The following TMEM91 variants were observed in gnomAD, a reference collection of about 807,000 sequenced individuals.
TMEM91 encodes dispanin subfamily C member 3.
TMEM91 carries 6 observed loss-of-function variants against 13.3 expected under a neutral mutation model. The ratio of observed to expected loss-of-function variants is 0.45; its 90% CI spans 0.25 to 0.89. The LOEUF (loss-of-function observed/expected upper bound fraction) is 0.89. Among genes scored for constraint, TMEM91 ranks in the 40% least tolerant of loss-of-function variants. The pLI is 0.19. For missense variants in TMEM91, 193 were observed against 228.7 expected (o/e 0.84, Z 1.01); for synonymous variants, 87 against 101.7 (o/e 0.86, Z 0.87).
At chr19:41,383,015 G>A in intron 3 of TMEM91, 94 bp downstream of exon 3, 2 of 1,520,410 alleles carry the variant, frequency 1.3e-6, no homozygotes, top group Non-Finnish European at 1.8e-6. Flanking sequence ...CGGGAAGGTG[G>A]AAGGTAGCCC....
chr19:41,383,888 C>G lies in TMEM91; in HGVS notation c.*15C>G. The G allele has an allele frequency of 1.2e-6, 2 of 1,600,820 alleles. No individual in the cohort carries two copies. Among genetic ancestry groups the G allele is most frequent in the Non-Finnish European group, 1.7e-6 (2 of 1,174,634 alleles). Reference sequence around the variant, plus strand: ...ACCCGCCCTAGTTGCCCCTACAGCCCTCACTGTGAACCCTGAGGCCGGCAG... The same window carrying G: ...ACCCGCCCTAGTTGCCCCTACAGCCGTCACTGTGAACCCTGAGGCCGGCAG... On this transcript the variant is annotated 3_prime_UTR_variant, in exon 4 of 4. Coordinates refer to ENST00000392002, the MANE Select transcript of TMEM91 (RefSeq NM_001098821.2).
At chr19:41,369,936 A>C (rs1399988515) in intron 1 of TMEM91, among the ~76,000 whole-genome samples, 1 of 152,188 alleles carries the variant, frequency 6.6e-6, no homozygotes, top group Admixed American at 6.5e-5. Context: ...ACCAATCTCC[A>C]CAACCATTTT....
At chr19:41,371,433 C>CTT (rs1260752147) in intron 1 of TMEM91, among the ~76,000 whole-genome samples, 3 of 141,394 alleles carry the variant, frequency 2.1e-5, no homozygotes, top group Non-Finnish European at 4.6e-5. Flanking sequence ...CTTTCTCTCT[C>CTT]TCTTTCTTTC....
upstream of TMEM91, among the ~76,000 whole-genome samples, chr19:41,375,088 A>G (rs1345506904): frequency 6.6e-6 from 1 of 151,838 alleles, no homozygotes; most frequent in Non-Finnish European, 1.5e-5. Context: ...ATCACCCCCT[A>G]CTGGACCCCA....
At chr19:41,379,945 A>T (rs1599931009) in intron 2 of TMEM91, among the ~76,000 whole-genome samples, 2 of 122,968 alleles carry the variant, frequency 1.6e-5, no homozygotes, top group East Asian at 4.9e-4. Flanking sequence ...CCCAGGCTGG[A>T]GTACAATGGT....
chr19:41,378,283 A>C lies in TMEM91; in HGVS notation c.-27A>C. On this transcript the variant is annotated splice_region_variant and 5_prime_UTR_variant, in exon 2 of 4. Coordinates refer to ENST00000392002, the MANE Select transcript of TMEM91 (RefSeq NM_001098821.2). ...CTTTTTCTTCCCCCTACCCCTAGGA[A>C]ACCCCTCCTGGAGTTTCCCCAAAGC... 4 of 1,599,550 alleles carry C rather than the reference A, an allele frequency of 2.5e-6. No homozygotes were observed. Among genetic ancestry groups the C allele is most frequent in the Non-Finnish European group, 3.4e-6 (4 of 1,169,680 alleles).
Position 41,383,819 on chromosome 19 carries a change from T to C in TMEM91, c.465T>C (p.Tyr155=), listed in dbSNP as rs765595742. The C allele has an allele frequency of 3.1e-6, 5 of 1,610,676 alleles. No individual in the cohort carries two copies. In the African/African-American group the frequency reaches 4.0e-5, roughly 13 times the overall value. The stretch of plus-strand genomic sequence containing the variant: ...CCGTCGGGCTGGGCGTGTGCACGTA[T>C]GCGGCTGCCCTGGTGACCCTGGCTG... ...VLAVGLGVCT[Y]AAALVTLAAY... The change falls in exon 4 of 4, where the codon TAT becomes TAC. Residue 155 remains tyrosine, a synonymous_variant. Transcript: ENST00000392002.
At chr19:41,366,866 G>A (rs1053662630) in intron 1 of TMEM91, among the ~76,000 whole-genome samples, 4 of 152,096 alleles carry the variant, frequency 2.6e-5, no homozygotes, top group African/African-American at 7.2e-5. Context: ...GGCCGGATTC[G>A]GTGGTTCATG....
intron 3 of TMEM91, 143 bp downstream of exon 3, chr19:41,383,064 G>T: frequency 7.9e-7 from 1 of 1,268,950 alleles, no homozygotes; most frequent in African/African-American, 1.5e-5. Flanking sequence ...GCCACTCTCT[G>T]CAAGATTTTT....
At chr19:41,378,671 T>TA (rs1423088381) in intron 2 of TMEM91, 152 bp downstream of exon 2, 73 of 793,826 alleles carry the variant, frequency 9.2e-5, no homozygotes, top group Non-Finnish European at 1.4e-4. Flanking sequence ...GATTTCCAGT[T>TA]ACGGTTCTTC....
chr19:41,383,774 C>G lies in TMEM91; in HGVS notation c.420C>G (p.Ala140=). 1 of 1,610,076 alleles carries G rather than the reference C, an allele frequency of 6.2e-7. No individual in the cohort carries two copies. The highest frequency in any genetic ancestry group is 8.5e-7 in the Non-Finnish European group (1 of 1,177,706). The part of the protein sequence containing the change: ...IQGAGAASRR[A]FLLGVLAVGL... The stretch of plus-strand genomic sequence containing the variant: ...GGGCAGGGGCCGCCTCCCGCCGTGC[C>G]TTCCTGCTGGGGGTCCTCGCCGTCG... The change falls in exon 4 of 4, where the codon GCC becomes GCG. Residue 140 remains alanine (A), a synonymous_variant. Transcript: ENST00000392002.
intron 1 of TMEM91, among the ~76,000 whole-genome samples, chr19:41,364,786 C>T (rs2038486544): frequency 1.3e-5 from 2 of 152,050 alleles, no homozygotes; most frequent in Non-Finnish European, 2.9e-5. Context: ...ATCCTCTTTC[C>T]TATTGATTGA....
At position 41,370,266 on chromosome 19, in the gene TMEM91, G is replaced by A. The variant is rs961566652; in HGVS notation, c.-30+6171G>A. Among the ~76,000 whole-genome samples the A allele has an allele frequency of 4.8e-4, 73 of 151,988 alleles. 1 individual carries two copies. Among genetic ancestry groups the A allele is most frequent in the African/African-American group, 1.6e-3 (66 of 41,442 alleles). On this transcript the variant is annotated intron_variant, in intron 1 of 3. Transcript: ENST00000413014. ...CTAATTTTGTATTTTTAGTAGAGACGGGGTTTCTCCATGTTGGTCAGACTG... is the reference window on the plus strand; with the variant it reads ...CTAATTTTGTATTTTTAGTAGAGACAGGGTTTCTCCATGTTGGTCAGACTG...
At chr19:41,363,968 T>C (rs542079337), upstream of TMEM91, 28 of 284,936 alleles carry the variant, frequency 9.8e-5, no homozygotes, top group African/African-American at 3.3e-4. Flanking sequence ...CTTAGCGCAC[T>C]TAACGGTTAG....
chr19:41,368,479 G>A (rs1019695329), intron 1 of TMEM91, among the ~76,000 whole-genome samples: 2 of 151,674 alleles, frequency 1.3e-5, no homozygotes, highest in Non-Finnish European at 2.9e-5. Context: ...TGTGGGCCAG[G>A]GCTCACAGCA....
At chr19:41,371,248 C>T (rs370606171) in intron 1 of TMEM91, among the ~76,000 whole-genome samples, 5 of 151,896 alleles carry the variant, frequency 3.3e-5, no homozygotes, top group Admixed American at 2.0e-4. Flanking sequence ...GTGATCTGCC[C>T]GCCTTGGCCT....
intron 2 of TMEM91, among the ~76,000 whole-genome samples, chr19:41,381,664 C>T (rs560144586): frequency 2.8e-4 from 43 of 152,120 alleles, no homozygotes; most frequent in African/African-American, 1.0e-3. Flanking sequence ...GAGCCTGGCC[C>T]ATGCCTAGCT....
chr19:41,383,606 G>C (rs1400127607), intron 3 of TMEM91, 109 bp from the exon 4 acceptor site: 1 of 1,613,866 alleles, frequency 6.2e-7, no homozygotes, highest in Non-Finnish European at 8.5e-7. Context: ...ATCTGCTTTT[G>C]GAATACATGC....
At chr19:41,367,397 T>C (rs1486534507) in intron 1 of TMEM91, among the ~76,000 whole-genome samples, 1 of 151,634 alleles carries the variant, frequency 6.6e-6, no homozygotes, top group Non-Finnish European at 1.5e-5. Flanking sequence ...CTTTGGGAGG[T>C]TGAGGCGGGC....
Sources: gnomAD v4.1 joint callset for allele counts (sites outside exome capture counted in the v4.1 genomes callset) on GRCh38, gnomAD v4.1.1 for gene constraint, MANE v1.5 for transcripts, NCBI Gene and HGNC (gene_info 2026-07-23, HGNC 2026-07-21) for gene names.